CTTNBP2: variants seen among roughly 807,000 people sequenced by gnomAD.
The protein encoded by CTTNBP2 is cortactin-binding protein 2.
In CTTNBP2, 108 loss-of-function variants were observed where a neutral mutation model predicts 156.9. That is an observed-to-expected ratio of 0.69 (90% CI 0.59 to 0.81). The LOEUF (loss-of-function observed/expected upper bound fraction) is 0.81, where lower values mean the gene tolerates loss of function less well. Ranked by LOEUF, CTTNBP2 falls within the 30% of genes least tolerant of loss-of-function variation. CTTNBP2 has a pLI of 0.00. For synonymous variants in CTTNBP2, 767 were observed against 751.8 expected, an observed-to-expected ratio of 1.02 and a Z score of -0.33; for missense variants, 1,924 against 2,035.4, an observed-to-expected ratio of 0.95 and a Z score of 1.05.
intron 3 of CTTNBP2, among the ~76,000 whole-genome samples, chr7:117,809,577 T>C (rs1277346544): frequency 6.6e-6 from 1 of 152,220 alleles, no homozygotes; most frequent in Non-Finnish European, 1.5e-5. Context: ...AGTAAAATTC[T>C]GATTTTGCCT....
At chr7:117,747,961 TATC>T (rs1796424272) in intron 12 of CTTNBP2, among the ~76,000 whole-genome samples, 1 of 152,138 alleles carries the variant, frequency 6.6e-6, no homozygotes, top group African/African-American at 2.4e-5. Context: ...CTCTGAAAGA[TATC>T]ATGTCTGGTA....
rs398048025 is a variant in CTTNBP2, at chr7:117,715,475, T to TAA, written c.4746+2541_4746+2542dup. 1.0e-3 allele frequency among the ~76,000 whole-genome samples: 116 copies of TAA among 116,378 alleles called. 1 individual carries two copies. The highest frequency in any genetic ancestry group is 2.3e-3 in the South Asian group (8 of 3,520). 76.3% of individuals were successfully genotyped at this position (116,378 alleles called of 152,430 possible). On this transcript the variant is annotated intron_variant, in intron 22 of 22. Transcript: ENST00000160373. Reference sequence around the variant, plus strand: ...CAGACTAGAGTCCAGGCCCTGAAGTTAAAAAAAAAAAAAAAAAAGAAGCCT... The same window carrying TAA: ...CAGACTAGAGTCCAGGCCCTGAAGTTAAAAAAAAAAAAAAAAAAAAGAAGCCT...
At position 117,777,603 on chromosome 7, in the gene CTTNBP2, T is replaced by C. The variant is rs759744344; in HGVS notation, c.2686A>G (p.Ile896Val). ...TCTGCAGGAACAACAGGCTTGGATA[T>C]GCCTTCAGGACTCTCTTCTCCTCCA... is the stretch of plus-strand genomic sequence containing the variant. ...LDGGEESPEG[I>V]SKPVVPADLI... is the part of the protein sequence containing the mutation. The change falls in exon 8 of 23, where the codon ATA becomes GTA. Residue 896 changes from isoleucine (I) to valine (V), a missense_variant. Physicochemically the swap from Ile to Val is conservative, Grantham distance 29. Transcript: ENST00000160373. 3.1e-6 allele frequency: 5 copies of C among 1,613,878 alleles called. No homozygotes were observed. Among genetic ancestry groups the C allele is most frequent in the Non-Finnish European group, 4.2e-6 (5 of 1,179,934 alleles).
At chr7:117,788,413 G>A (rs1432629767) in intron 4 of CTTNBP2, among the ~76,000 whole-genome samples, 2 of 152,196 alleles carry the variant, frequency 1.3e-5, no homozygotes, top group Non-Finnish European at 2.9e-5. Context: ...GAAATTGGAA[G>A]AGACACCTGC....
chr7:117,718,248 G>GAAC (rs763332587), intron 21 of CTTNBP2, 129 bp from the exon 22 acceptor site: 6 of 533,128 alleles, frequency 1.1e-5, no homozygotes, highest in Non-Finnish European at 1.7e-5. Context: ...CTCAAGTCCT[G>GAAC]AACTGTTCAC....
chr7:117,720,279 T>C (rs1164221290), intron 20 of CTTNBP2, among the ~76,000 whole-genome samples: 1 of 152,198 alleles, frequency 6.6e-6, no homozygotes, highest in African/African-American at 2.4e-5. Flanking sequence ...CACAATTTAT[T>C]GGGCTATCAT....
In CTTNBP2 at chr7:117,791,966, A is replaced by C. The variant is rs757555745; in HGVS notation, c.1230T>G (p.Ala410=). 2 of 1,613,894 alleles carry C rather than the reference A, an allele frequency of 1.2e-6. No individual in the cohort carries two copies. Among genetic ancestry groups the C allele is most frequent in the Non-Finnish European group, 1.7e-6 (2 of 1,179,974 alleles). The part of the protein sequence containing the change: ...PLPSNAAPPT[A]QTPGIAPQNS... ...TCTGAGGAGCTATGCCTGGTGTTTG[A>C]GCGGTGGGAGGGGCAGCGTTACTGG... Residue 410 remains alanine (A), a synonymous_variant, in exon 4 of 23, where the codon GCT becomes GCG. Coordinates refer to ENST00000160373, the MANE Select transcript of CTTNBP2 (RefSeq NM_033427.3).
chr7:117,735,988 G>C (rs1225547605), intron 14 of CTTNBP2, among the ~76,000 whole-genome samples: 1 of 152,196 alleles, frequency 6.6e-6, no homozygotes, highest in Non-Finnish European at 1.5e-5. Flanking sequence ...TCTGAGAGCT[G>C]AGAATATTTT....
intron 3 of CTTNBP2, among the ~76,000 whole-genome samples, chr7:117,803,987 T>C (rs757042644): frequency 6.6e-5 from 10 of 152,072 alleles, no homozygotes; most frequent in Non-Finnish European, 1.5e-4. Context: ...ATGAATGAGA[T>C]AGGGTCTCGC....
At chr7:117,847,597 G>A (rs1209257131) in intron 2 of CTTNBP2, among the ~76,000 whole-genome samples, 1 of 152,124 alleles carries the variant, frequency 6.6e-6, no homozygotes, top group Non-Finnish European at 1.5e-5. Context: ...TTATTTCAGG[G>A]CTATAGAAAA....
In CTTNBP2 at chr7:117,825,942, C is replaced by T. The variant is rs150069051; in HGVS notation, c.190-14953G>A. On this transcript the variant is annotated intron_variant, in intron 2 of 22. Transcript: ENST00000160373. The stretch of plus-strand genomic sequence containing the variant: ...TAGAGAAATGGGAAATGGGAAGCCA[C>T]GTGCCAGTGCCAAAGCTTCCATGTT... 4.9e-3 allele frequency among the ~76,000 whole-genome samples: 746 copies of T among 152,222 alleles called. 6 individuals are homozygous for T. The highest frequency in any genetic ancestry group is 8.4e-3 in the Non-Finnish European group (571 of 68,026).
intron 22 of CTTNBP2, among the ~76,000 whole-genome samples, chr7:117,717,016 C>A (rs77610357): frequency 6.6e-6 from 1 of 152,078 alleles, no homozygotes; most frequent in East Asian, 1.9e-4. Flanking sequence ...GGCTTACAAT[C>A]AATCAACATG....
Position 117,853,019 on chromosome 7 carries a change from T to G in CTTNBP2, c.189+8190A>C, listed in dbSNP as rs143957077. Among the ~76,000 whole-genome samples the G allele has an allele frequency of 1.1e-4, 17 of 152,272 alleles. No individual in the cohort carries two copies. In the East Asian group the frequency reaches 3.3e-3, roughly 29 times the overall value. Reference sequence around the variant, plus strand: ...CTACCACTGATCTCAAGAGATTTCATAGGGATAAGAAATAATGCCTATGAA... The same window carrying G: ...CTACCACTGATCTCAAGAGATTTCAGAGGGATAAGAAATAATGCCTATGAA... On this transcript the variant is annotated intron_variant, in intron 2 of 22. Transcript: ENST00000160373.
intron 12 of CTTNBP2, among the ~76,000 whole-genome samples, chr7:117,751,873 C>T (rs896811871): frequency 2.2e-4 from 33 of 152,170 alleles, no homozygotes; most frequent in Admixed American, 1.2e-3. Flanking sequence ...CTGCTTTAGA[C>T]CTTTTCTAGG....
At chr7:117,853,933 C>T (rs1803093153) in intron 2 of CTTNBP2, among the ~76,000 whole-genome samples, 3 of 152,136 alleles carry the variant, frequency 2.0e-5, no homozygotes, top group Non-Finnish European at 4.4e-5. Context: ...CAATGTTTTG[C>T]ATGGTATTCT....
chr7:117,790,992 G>C (rs903069370), intron 4 of CTTNBP2, 136 bp downstream of exon 4: 8 of 708,016 alleles, frequency 1.1e-5, no homozygotes, highest in Non-Finnish European at 1.8e-5. Context: ...AAAAAAGAGA[G>C]AGAAAGAAAA....
intron 17 of CTTNBP2, among the ~76,000 whole-genome samples, chr7:117,726,488 GA>G (rs890378658): frequency 7.4e-5 from 11 of 149,398 alleles, no homozygotes; most frequent in African/African-American, 2.2e-4. Context: ...GCTGTGGTCG[GA>G]AAAAAAAAAT....
chr7:117,724,664 T>C lies in CTTNBP2; in HGVS notation c.4330A>G (p.Thr1444Ala), dbSNP rs760785916. The change falls in exon 19 of 23, where the codon ACT becomes GCT. Residue 1444 changes from threonine (T) to alanine (A), a missense_variant. Thr to Ala is a moderately conservative substitution (Grantham distance 58). Coordinates refer to ENST00000160373, the MANE Select transcript of CTTNBP2 (RefSeq NM_033427.3). ...CTCTCTCCTTTCTTCTTGTTACAAGTGTTATAACTGGAAACTATGGATAAA... is the reference window on the plus strand; with the variant it reads ...CTCTCTCCTTTCTTCTTGTTACAAGCGTTATAACTGGAAACTATGGATAAA... The part of the protein sequence containing the change: ...FPLSIVSSYN[T>A]CNKKKGESGA... The C allele has an allele frequency of 2.5e-6, 4 of 1,614,176 alleles. No individual in the cohort carries two copies. Among genetic ancestry groups the C allele is most frequent in the Non-Finnish European group, 3.4e-6 (4 of 1,180,026 alleles).
intron 4 of CTTNBP2, 41 bp downstream of exon 4, chr7:117,791,087 C>T (rs375496369): frequency 2.7e-6 from 4 of 1,509,272 alleles, no homozygotes; most frequent in African/African-American, 2.8e-5. Flanking sequence ...AGAAGAGAGG[C>T]CATATTCTTT....
Sources: allele counts gnomAD v4.1 joint callset (sites outside exome capture counted in the v4.1 genomes callset), GRCh38; gene constraint gnomAD v4.1.1; transcripts MANE v1.5; gene names NCBI Gene and HGNC (gene_info 2026-07-23, HGNC 2026-07-21).